SOX5: variants seen among roughly 807,000 people sequenced by gnomAD.
The protein encoded by SOX5 is SRY-box transcription factor 5.
A neutral mutation model predicts 92.0 loss-of-function variants in SOX5; 9 were observed. The observed-to-expected ratio is 0.10, with a 90% CI of 0.06 to 0.17. SOX5 has a LOEUF of 0.17. Ranked by LOEUF, SOX5 falls within the 10% of genes least tolerant of loss-of-function variation. SOX5 has a pLI of 1.00. For synonymous variants in SOX5, 344 were observed against 336.3 expected, an observed-to-expected ratio of 1.02 and a Z score of -0.25; for missense variants, 642 against 944.5, an observed-to-expected ratio of 0.68 and a Z score of 4.20.
At chr12:23,672,764 T>C (rs2085002737) in intron 6 of SOX5, among the ~76,000 whole-genome samples, 1 of 152,154 alleles carries the variant, frequency 6.6e-6, no homozygotes, top group Non-Finnish European at 1.5e-5. Context: ...TGTTTATTGT[T>C]GGCAATATTA....
chr12:24,142,673 TC>T (rs1302141366), intron 4 of SOX5, among the ~76,000 whole-genome samples: 1 of 151,846 alleles, frequency 6.6e-6, no homozygotes, highest in Non-Finnish European at 1.5e-5. Context: ...AGAACACTTA[TC>T]CCCAAGAACC....
chr12:24,083,480 C>A (rs368652141), intron 4 of SOX5, among the ~76,000 whole-genome samples: 1 of 152,062 alleles, frequency 6.6e-6, no homozygotes, highest in Non-Finnish European at 1.5e-5. Context: ...AGTTTATAAT[C>A]GGCTGGGAAA....
At chr12:24,009,511 A>G (rs1952674328) in intron 4 of SOX5, among the ~76,000 whole-genome samples, 1 of 152,156 alleles carries the variant, frequency 6.6e-6, no homozygotes, top group African/African-American at 2.4e-5. Context: ...TGGGTTCTAC[A>G]AATTACCTCA....
rs183271646 is a variant in SOX5, at chr12:23,737,095, A to G, written c.742-2343T>C. On this transcript the variant is annotated intron_variant, in intron 5 of 14. Transcript: ENST00000451604. ...CCTTCCTCCCACATAGCAATATTTCAAATGCTATTTAAATCCTTTTAACAG... is the reference window on the plus strand; with the variant it reads ...CCTTCCTCCCACATAGCAATATTTCGAATGCTATTTAAATCCTTTTAACAG... Among the ~76,000 whole-genome samples the G allele has an allele frequency of 2.1e-3, 321 of 152,196 alleles. 2 individuals carry two copies. Among genetic ancestry groups the G allele is most frequent in the Admixed American group, 3.9e-3 (60 of 15,276 alleles).
At chr12:23,999,177 T>TGTGTGTGC (rs1569452779) in intron 4 of SOX5, among the ~76,000 whole-genome samples, 23 of 139,890 alleles carry the variant, frequency 1.6e-4, no homozygotes, top group African/African-American at 6.2e-4. Flanking sequence ...TGTGTGTGTG[T>TGTGTGTGC]ACCATTGCTT....
chr12:24,544,857 G>A lies in SOX5; in HGVS notation c.-251+17472C>T, dbSNP rs548125237. On this transcript the variant is annotated intron_variant, in intron 1 of 4. Transcript: ENST00000446891. ...TTAGAAATCTAATTCAGTAGTATTT[G>A]AAGTGGGTGCAAAAAGAAGAAAAAG... Among the ~76,000 whole-genome samples, 388 of 152,260 alleles carry A rather than the reference G, an allele frequency of 2.5e-3. 2 individuals are homozygous for A. The highest frequency in any genetic ancestry group is 8.7e-3 in the African/African-American group (362 of 41,522).
chr12:24,394,766 C>T (rs1214393952), intron 1 of SOX5, among the ~76,000 whole-genome samples: 1 of 152,158 alleles, frequency 6.6e-6, no homozygotes, highest in Admixed American at 6.5e-5. Context: ...GTTCACACTA[C>T]CCTTAAGTTA....
chr12:23,803,178 A>C (rs2095695185), intron 3 of SOX5, among the ~76,000 whole-genome samples: 1 of 152,168 alleles, frequency 6.6e-6, no homozygotes, highest in South Asian at 2.1e-4. Context: ...ACTGATTCCT[A>C]TGTCCTTTCT....
chr12:24,133,682 A>T (rs746294467), intron 4 of SOX5, among the ~76,000 whole-genome samples: 1 of 152,118 alleles, frequency 6.6e-6, no homozygotes, highest in Non-Finnish European at 1.5e-5. Context: ...TGTGACCTTC[A>T]CCCTGCTGTA....
chr12:24,157,331 TAA>T (rs1285439492), intron 4 of SOX5, among the ~76,000 whole-genome samples: 1 of 152,138 alleles, frequency 6.6e-6, no homozygotes, highest in Non-Finnish European at 1.5e-5. Flanking sequence ...AATACTGCAC[TAA>T]GTTAGTTCAA....
intron 2 of SOX5, among the ~76,000 whole-genome samples, chr12:24,327,491 C>T (rs929247784): frequency 7.1e-6 from 1 of 140,530 alleles, no homozygotes; most frequent in Admixed American, 7.8e-5. Context: ...TCTCGGCTAA[C>T]TGCAACCTCT....
chr12:23,781,753 C>A (rs1266605825), intron 3 of SOX5, among the ~76,000 whole-genome samples: 1 of 152,012 alleles, frequency 6.6e-6, no homozygotes, highest in Non-Finnish European at 1.5e-5. Flanking sequence ...CTTTAGAACA[C>A]AATCAGTCTT....
chr12:24,300,109 T>C (rs1191461502), intron 2 of SOX5, among the ~76,000 whole-genome samples: 1 of 152,348 alleles, frequency 6.6e-6, no homozygotes, highest in Admixed American at 6.5e-5. Context: ...TTTAAATGTA[T>C]TTTAAACTTA....
At chr12:24,066,900 T>C (rs1940840609) in intron 4 of SOX5, among the ~76,000 whole-genome samples, 1 of 152,194 alleles carries the variant, frequency 6.6e-6, no homozygotes, top group Admixed American at 6.5e-5. Flanking sequence ...AAAGTTGCCA[T>C]CTTTTCGAGA....
At chr12:23,997,314 T>A (rs1175194369) in intron 4 of SOX5, among the ~76,000 whole-genome samples, 7 of 152,164 alleles carry the variant, frequency 4.6e-5, no homozygotes, top group Admixed American at 3.9e-4. Context: ...AGAAATAATT[T>A]GGAGCTAAGT....
chr12:24,445,542 T>C (rs1374870603), intron 1 of SOX5, among the ~76,000 whole-genome samples: 1 of 152,224 alleles, frequency 6.6e-6, no homozygotes, highest in African/African-American at 2.4e-5. Context: ...AAGGAATACA[T>C]AATTTTATTA....
In SOX5 at chr12:23,541,709, T is replaced by A. The variant is rs191292414; in HGVS notation, c.1771+1502A>T. Among the ~76,000 whole-genome samples the A allele has an allele frequency of 7.2e-5, 11 of 152,334 alleles. No individual in the cohort carries two copies. In the East Asian group the frequency reaches 2.1e-3, roughly 29 times the overall value. ...CATGTCTTTTTAGATAACATTTAGG[T>A]GAAAAATGAGACACAATTTTAAGTG... On this transcript the variant is annotated intron_variant, in intron 13 of 14. Coordinates refer to ENST00000451604, the MANE Select transcript of SOX5 (RefSeq NM_006940.6).
intron 2 of SOX5, among the ~76,000 whole-genome samples, chr12:24,317,658 G>T (rs1949822635): frequency 6.6e-6 from 1 of 152,132 alleles, no homozygotes; most frequent in Non-Finnish European, 1.5e-5. Context: ...AGCTATCTGT[G>T]ATATTCTCTT....
intron 3 of SOX5, among the ~76,000 whole-genome samples, chr12:24,238,314 A>C (rs1964904575): frequency 6.6e-6 from 1 of 152,176 alleles, no homozygotes; most frequent in Non-Finnish European, 1.5e-5. Flanking sequence ...ACTAAGACTC[A>C]TCTATAGGGA....
Sources: gnomAD v4.1 joint callset for allele counts (sites outside exome capture counted in the v4.1 genomes callset) on GRCh38, gnomAD v4.1.1 for gene constraint, MANE v1.5 for transcripts, NCBI Gene and HGNC (gene_info 2026-07-23, HGNC 2026-07-21) for gene names.